EYA1: variants seen among roughly 807,000 people sequenced by gnomAD.
The protein encoded by EYA1 is protein phosphatase EYA1.
In EYA1, 16 loss-of-function variants were observed where a neutral mutation model predicts 82.0. The ratio of observed to expected loss-of-function variants is 0.20; its 90% CI spans 0.13 to 0.30. The LOEUF is 0.30. Ranked by LOEUF, EYA1 falls within the 10% of genes least tolerant of loss-of-function variation. The probability of loss-of-function intolerance (pLI) is 1.00; values close to 1 mark genes in which losing one functional copy is unlikely to be tolerated. For missense variants in EYA1, 633 were observed against 730.7 expected (o/e 0.87, Z 1.54); for synonymous variants, 261 against 264.4 (o/e 0.99, Z 0.12).
chr8:71,450,155 A>G (rs1814636128), intron 2 of EYA1, among the ~76,000 whole-genome samples: 2 of 152,190 alleles, frequency 1.3e-5, no homozygotes, highest in African/African-American at 4.8e-5. Flanking sequence ...CTGAAGTAAC[A>G]CTTGTAATTT....
intron 9 of EYA1, among the ~76,000 whole-genome samples, chr8:71,298,015 G>GA (rs1211258584): frequency 1.5e-4 from 23 of 152,118 alleles, no homozygotes; most frequent in Non-Finnish European, 2.4e-4. Flanking sequence ...TTTTTAAAAG[G>GA]AAAAAAACGT....
chr8:71,397,592 T>C (rs1332763698), intron 2 of EYA1, among the ~76,000 whole-genome samples: 3 of 152,242 alleles, frequency 2.0e-5, no homozygotes, highest in African/African-American at 7.2e-5. Context: ...AAAATTCTTT[T>C]CTTTAAGAAT....
rs140951948 is a variant in EYA1, at chr8:71,500,316, T to C, written c.33+35428A>G. Among the ~76,000 whole-genome samples the C allele has an allele frequency of 2.8e-3, 433 of 152,308 alleles. 2 individuals carry two copies. The highest frequency in any genetic ancestry group is 0.014 in the Middle Eastern group (4 of 294). On this transcript the variant is annotated intron_variant, in intron 2 of 18. Coordinates refer to the EYA1 transcript ENST00000643681. ...GACTGACCTCCAAGTATGAGGAAGATAGAAACCAGACTTGACTTAGAACTT... is the reference window on the plus strand; with the variant it reads ...GACTGACCTCCAAGTATGAGGAAGACAGAAACCAGACTTGACTTAGAACTT...
At chr8:71,349,464 AACTTAATTCAAGTACCC>A (rs1289182607) in intron 3 of EYA1, among the ~76,000 whole-genome samples, 1 of 152,254 alleles carries the variant, frequency 6.6e-6, no homozygotes, top group Non-Finnish European at 1.5e-5. Flanking sequence ...CTGGACTCAG[AACTTAATTCAAGTACCC>A]ACTCAGATGC....
intron 2 of EYA1, among the ~76,000 whole-genome samples, chr8:71,528,276 G>C (rs1813970486): frequency 6.6e-6 from 1 of 152,138 alleles, no homozygotes; most frequent in African/African-American, 2.4e-5. Context: ...AGCTACACCA[G>C]AACACAAGAT....
chr8:71,313,893 T>C (rs115478598), intron 7 of EYA1, among the ~76,000 whole-genome samples: 1,664 of 152,328 alleles, frequency 0.011, 35 homozygotes, highest in African/African-American at 0.038. Context: ...TTGGGGCTAC[T>C]AGAATATTTC....
upstream of EYA1, among the ~76,000 whole-genome samples, chr8:71,366,733 G>A (rs568795172): frequency 7.8e-4 from 119 of 152,170 alleles, no homozygotes; most frequent in African/African-American, 2.6e-3. Flanking sequence ...TTTTAAATAT[G>A]AGTGATTTTT....
intron 12 of EYA1, among the ~76,000 whole-genome samples, chr8:71,230,725 GTTAA>G (rs1364533269): frequency 6.6e-6 from 1 of 152,208 alleles, no homozygotes; most frequent in Non-Finnish European, 1.5e-5. Context: ...TCATGAACAG[GTTAA>G]TTAACAGCCT....
At chr8:71,289,017 A>G (rs1818711629) in intron 9 of EYA1, among the ~76,000 whole-genome samples, 2 of 152,186 alleles carry the variant, frequency 1.3e-5, no homozygotes. Context: ...CCTTGATAGA[A>G]TCGTCACCAT....
chr8:71,474,323 C>T (rs989314031), intron 2 of EYA1, among the ~76,000 whole-genome samples: 2 of 152,090 alleles, frequency 1.3e-5, no homozygotes, highest in African/African-American at 2.4e-5. Context: ...GTACTACCTT[C>T]CAGATGAGCA....
rs1412416360 is a variant in EYA1 at position 71,198,426 on chromosome 8, GACA to G, written c.*911_*913del. ...ACTTGACATCCATGCTTTTGGTCTT[GACA>G]ACATTATCTAAAAAAAAAAAATCCA... On this transcript the variant is annotated 3_prime_UTR_variant, in exon 18 of 18. Coordinates refer to ENST00000340726, the MANE Select transcript of EYA1 (RefSeq NM_000503.6). The G allele has an allele frequency of 6.6e-6, 1 of 151,894 alleles. No individual in the cohort carries two copies. The highest frequency in any genetic ancestry group is 6.6e-5 in the Admixed American group (1 of 15,216). The allele number at this position is 151,894 out of a possible 1,614,324, so 9.4% of individuals were successfully genotyped here.
At chr8:71,546,862 A>G (rs1815651340) in intron 1 of EYA1, among the ~76,000 whole-genome samples, 1 of 152,070 alleles carries the variant, frequency 6.6e-6, no homozygotes, top group South Asian at 2.1e-4. Flanking sequence ...TCACTCTCCC[A>G]CTGGAATTTT....
intron 3 of EYA1, among the ~76,000 whole-genome samples, chr8:71,337,992 A>T (rs1824693082): frequency 2.0e-5 from 3 of 152,200 alleles, no homozygotes; most frequent in African/African-American, 7.2e-5. Flanking sequence ...AATGCTTCTA[A>T]ATCATTCCAC....
In EYA1 at chr8:71,324,100, CT is replaced by C. The variant is rs145494662; in HGVS notation, c.203-1833del. ...CATTTATTCTTTCCTAGCTCTATGTCTATGTTTTTTGAATTGTGGGTCATGG... is the reference window on the plus strand; with the variant it reads ...CATTTATTCTTTCCTAGCTCTATGTCATGTTTTTTGAATTGTGGGTCATGG... On this transcript the variant is annotated intron_variant, in intron 4 of 17. Transcript: ENST00000340726. 389 of 152,274 alleles carry C rather than the reference CT, an allele frequency of 2.6e-3. 1 individual carries two copies. The highest frequency in any genetic ancestry group is 8.8e-3 in the African/African-American group (366 of 41,564). 9.4% of individuals were successfully genotyped at this position (152,274 alleles called of 1,614,324 possible). A position where few individuals can be genotyped will look rare whatever the true frequency, so the allele number is the denominator to read the frequency against.
intron 2 of EYA1, among the ~76,000 whole-genome samples, chr8:71,407,478 A>C (rs1563582265): frequency 1.3e-5 from 2 of 150,730 alleles, no homozygotes; most frequent in Non-Finnish European, 2.9e-5. Flanking sequence ...AACTTAAAAA[A>C]ATTTAGAAGA....
chr8:71,452,437 G>A lies in EYA1; in HGVS notation c.33+83307C>T, dbSNP rs558789408. On this transcript the variant is annotated intron_variant, in intron 2 of 18. Transcript: ENST00000643681. ...AAGAGAGTAGTGGTTCTCCCAGCAC[G>A]GAGTTTGAGATCTGAGAATGGACAG... Among the ~76,000 whole-genome samples, 8 of 152,272 alleles carry A rather than the reference G, an allele frequency of 5.3e-5. No homozygotes were observed. The South Asian group carries it at 6.2e-4, about 12-fold the overall frequency.
At chr8:71,291,474 C>T (rs987639375) in intron 9 of EYA1, among the ~76,000 whole-genome samples, 2 of 152,104 alleles carry the variant, frequency 1.3e-5, no homozygotes, top group Non-Finnish European at 2.9e-5. Context: ...GATCAGCACA[C>T]GTGAAGGTAG....
chr8:71,322,402 G>C, intron 4 of EYA1, 134 bp from the exon 5 acceptor site: 1 of 749,240 alleles, frequency 1.3e-6, no homozygotes, highest in Non-Finnish European at 2.3e-6. Context: ...GTGACCTGCG[G>C]AGATGGAAAT....
Position 71,233,308 on chromosome 8 carries a change from TA to T in EYA1, c.1140+11294del, listed in dbSNP as rs1287834100. Among the ~76,000 whole-genome samples the T allele has an allele frequency of 2.0e-4, 30 of 152,214 alleles. 1 individual carries two copies. On this transcript the variant is annotated intron_variant, in intron 12 of 17. Coordinates refer to ENST00000340726, the MANE Select transcript of EYA1 (RefSeq NM_000503.6). Reference sequence around the variant, plus strand: ...TGCCGGGTGCGGTGGCTCATGCCTGTAATCCCAGCACTTTGGGAGGCCAAGG... The same window carrying T: ...TGCCGGGTGCGGTGGCTCATGCCTGTATCCCAGCACTTTGGGAGGCCAAGG...
Sources: allele counts gnomAD v4.1 joint callset (sites outside exome capture counted in the v4.1 genomes callset), GRCh38; gene constraint gnomAD v4.1.1; transcripts MANE v1.5; gene names NCBI Gene and HGNC (gene_info 2026-07-23, HGNC 2026-07-21).